R3HDM2: variants seen among roughly 807,000 people sequenced by gnomAD.
R3HDM2 encodes the protein R3H domain containing 2, also known as R3H domain-containing protein 2.
Under a neutral mutation model 124.5 loss-of-function variants are expected in R3HDM2, and 38 were observed. The ratio of observed to expected loss-of-function variants is 0.31; its 90% CI spans 0.24 to 0.40. The LOEUF (loss-of-function observed/expected upper bound fraction) is 0.40. Among genes scored for constraint, R3HDM2 ranks in the 10% least tolerant of loss-of-function variants. The pLI, the probability that R3HDM2 is intolerant of heterozygous loss-of-function variation, is 1.00. For missense variants in R3HDM2, 869 were observed against 1,236.9 expected, an observed-to-expected ratio of 0.70 and a Z score of 4.46; for synonymous variants, 391 against 448.0, an observed-to-expected ratio of 0.87 and a Z score of 1.61.
intron 2 of R3HDM2, among the ~76,000 whole-genome samples, chr12:57,323,560 G>A (rs575342357): frequency 3.3e-5 from 5 of 152,302 alleles, no homozygotes; most frequent in African/African-American, 1.2e-4. Context: ...GGATTCACTG[G>A]TGTGTAAGGA....
rs1431865587 is a variant in R3HDM2, at chr12:57,269,337, G to A, written c.1700C>T (p.Pro567Leu). 6.2e-7 allele frequency: 1 copy of A among 1,614,006 alleles called. No homozygotes were observed. Among genetic ancestry groups the A allele is most frequent in the Non-Finnish European group, 8.5e-7 (1 of 1,180,014 alleles). Residue 567 changes from proline (P) to leucine (L), a missense_variant, in exon 16 of 24, where the codon CCA becomes CTA. Pro to Leu is a moderately conservative substitution (Grantham distance 98). Coordinates refer to ENST00000402412, the MANE Select transcript of R3HDM2 (RefSeq NM_001394031.1). ...SPQRGQQLPQPSQQPGLQPMM... is the reference protein window; with the variant it reads ...SPQRGQQLPQLSQQPGLQPMM... ...GTTTCTCTTACCAGGCTGCTGGGAT[G>A]GCTGAGGCAGCTGCTGACCACGTTG...
At chr12:57,313,482 T>A (rs1329999942) in intron 2 of R3HDM2, among the ~76,000 whole-genome samples, 2 of 151,816 alleles carry the variant, frequency 1.3e-5, no homozygotes, top group East Asian at 3.9e-4. Context: ...GAGGATCACT[T>A]GAGCCCAGGA....
At chr12:57,347,074 A>C (rs752405874) in intron 2 of R3HDM2, among the ~76,000 whole-genome samples, 1 of 152,044 alleles carries the variant, frequency 6.6e-6, no homozygotes, top group Non-Finnish European at 1.5e-5. Context: ...GCGAGACCCT[A>C]TCTGTACAAA....
At chr12:57,382,314 G>A (rs2065017567) in intron 2 of R3HDM2, among the ~76,000 whole-genome samples, 1 of 148,580 alleles carries the variant, frequency 6.7e-6, no homozygotes, top group Non-Finnish European at 1.5e-5. Flanking sequence ...GTTTCACTAT[G>A]TTGTCCAGGC....
At chr12:57,355,659 CT>C (rs2061208587) in intron 2 of R3HDM2, among the ~76,000 whole-genome samples, 1 of 151,970 alleles carries the variant, frequency 6.6e-6, no homozygotes, top group Non-Finnish European at 1.5e-5. Flanking sequence ...CATTTTCAAA[CT>C]TGTTTTGTCT....
chr12:57,354,149 G>C (rs547432548), intron 2 of R3HDM2, among the ~76,000 whole-genome samples: 1 of 151,868 alleles, frequency 6.6e-6, no homozygotes, highest in Non-Finnish European at 1.5e-5. Context: ...GATTACAGGC[G>C]TGAGCCACCA....
chr12:57,393,761 G>A lies in R3HDM2; in HGVS notation c.-36+1988C>T, dbSNP rs190807366. 1.4e-3 allele frequency among the ~76,000 whole-genome samples: 220 copies of A among 152,180 alleles called. 1 individual carries two copies. Among genetic ancestry groups the A allele is most frequent in the African/African-American group, 4.9e-3 (205 of 41,512 alleles). On this transcript the variant is annotated intron_variant, in intron 2 of 23. Transcript: ENST00000402412. ...GAAAAACTCAGAGATCTACACCTAG[G>A]CATACAATCAAACTCTTAAAAAACA...
At chr12:57,405,922 C>G (rs1306998774) in intron 1 of R3HDM2, among the ~76,000 whole-genome samples, 1 of 152,032 alleles carries the variant, frequency 6.6e-6, no homozygotes, top group Admixed American at 6.6e-5. Flanking sequence ...GACCAGAAAG[C>G]AAGGAAGCTA....
chr12:57,309,510 G>T (rs748496062), intron 3 of R3HDM2, among the ~76,000 whole-genome samples: 8 of 152,208 alleles, frequency 5.3e-5, no homozygotes, highest in Non-Finnish European at 1.2e-4. Context: ...GGCAAACAAA[G>T]AGTGAAATTC....
At chr12:57,350,553 G>A (rs1351670700) in intron 2 of R3HDM2, among the ~76,000 whole-genome samples, 1 of 152,066 alleles carries the variant, frequency 6.6e-6, no homozygotes, top group Non-Finnish European at 1.5e-5. Flanking sequence ...AGGATACCTT[G>A]AGCCCAGGAG....
At chr12:57,378,914 C>G (rs546655675) in intron 2 of R3HDM2, among the ~76,000 whole-genome samples, 10 of 152,274 alleles carry the variant, frequency 6.6e-5, no homozygotes, top group African/African-American at 1.9e-4. Context: ...GAAATTCTGA[C>G]ATATGCTGCA....
intron 2 of R3HDM2, among the ~76,000 whole-genome samples, chr12:57,370,266 T>C (rs1407766039): frequency 6.6e-6 from 1 of 152,126 alleles, no homozygotes; most frequent in Non-Finnish European, 1.5e-5. Context: ...AAGACATACA[T>C]GCCTGCTTCC....
chr12:57,406,047 C>A (rs1213653689), intron 1 of R3HDM2, among the ~76,000 whole-genome samples: 1 of 151,930 alleles, frequency 6.6e-6, no homozygotes, highest in East Asian at 1.9e-4. Flanking sequence ...AGTGGCCAGG[C>A]GCAGTGGCTC....
At chr12:57,360,959 G>A (rs1043830128) in intron 2 of R3HDM2, among the ~76,000 whole-genome samples, 32 of 149,248 alleles carry the variant, frequency 2.1e-4, no homozygotes, top group African/African-American at 7.1e-4. Flanking sequence ...GGCTGAGGCA[G>A]GAGAATGGCT....
chr12:57,268,273 G>A lies in R3HDM2; in HGVS notation c.2030+30C>T, dbSNP rs749413459. 1.0e-5 allele frequency: 16 copies of A among 1,607,144 alleles called. No individual in the cohort carries two copies. The South Asian group carries it at 1.5e-4, about 16-fold the overall frequency. Reference sequence around the variant, plus strand: ...CTGTTGCTGAAGGTCTATGGGAGATGTCCTGTCCTGGCTCTCTGGGAGTCC... The same window carrying A: ...CTGTTGCTGAAGGTCTATGGGAGATATCCTGTCCTGGCTCTCTGGGAGTCC... On this transcript the variant is annotated intron_variant, in intron 18 of 23. Transcript: ENST00000402412.
intron 2 of R3HDM2, among the ~76,000 whole-genome samples, chr12:57,371,082 A>G (rs891364942): frequency 2.0e-5 from 1 of 50,806 alleles, no homozygotes; most frequent in South Asian, 5.6e-4. Context: ...ATATACCATT[A>G]CTTTTTTTTT....
chr12:57,371,808 A>G (rs2063422189), intron 2 of R3HDM2, among the ~76,000 whole-genome samples: 2 of 152,252 alleles, frequency 1.3e-5, no homozygotes, highest in African/African-American at 4.8e-5. Context: ...CTGAAACAAA[A>G]TAACAGTAAT....
chr12:57,297,502 A>C, intron 7 of R3HDM2, 115 bp from the exon 8 acceptor site: 2 of 623,094 alleles, frequency 3.2e-6, no homozygotes, highest in Middle Eastern at 2.6e-4. Flanking sequence ...AAAAAGGTAT[A>C]TATCCAAACC....
At chr12:57,307,033 A>G (rs907974219) in intron 3 of R3HDM2, among the ~76,000 whole-genome samples, 2 of 152,114 alleles carry the variant, frequency 1.3e-5, no homozygotes, top group African/African-American at 4.8e-5. Flanking sequence ...AAAAAAGGAC[A>G]CACCTAAATT....
Sources: allele counts gnomAD v4.1 joint callset (sites outside exome capture counted in the v4.1 genomes callset), GRCh38; gene constraint gnomAD v4.1.1; transcripts MANE v1.5; gene names NCBI Gene and HGNC (gene_info 2026-07-23, HGNC 2026-07-21).